Variants in CARD10 observed in about 807,000 individuals in gnomAD.
CARD10 encodes caspase recruitment domain family member 10.
A neutral mutation model predicts 114.6 loss-of-function variants in CARD10; 49 were observed. That is an observed-to-expected ratio of 0.43 (90% CI 0.34 to 0.54). The LOEUF (loss-of-function observed/expected upper bound fraction) is 0.54, where lower values mean the gene tolerates loss of function less well. Among genes scored for constraint, CARD10 ranks in the 20% least tolerant of loss-of-function variants. The pLI, the probability that CARD10 is intolerant of heterozygous loss-of-function variation, is 0.03. For missense variants in CARD10, 1,206 were observed against 1,397.2 expected, an observed-to-expected ratio of 0.86 and a Z score of 2.18; for synonymous variants, 602 against 593.2, an observed-to-expected ratio of 1.01 and a Z score of -0.21.
At chr22:37,493,974 A>C in intron 16 of CARD10, 112 bp downstream of exon 16, 2 of 804,974 alleles carry the variant, frequency 2.5e-6, no homozygotes. Flanking sequence ...TGGAACCCTC[A>C]CAACAGGCCC....
At position 37,497,048 on chromosome 22, in the gene CARD10, G is replaced by A. The variant is rs1923030623; in HGVS notation, c.1918C>T (p.Pro640Ser). 1.2e-6 allele frequency: 2 copies of A among 1,613,852 alleles called. No individual in the cohort carries two copies. The highest frequency in any genetic ancestry group is 1.7e-5 in the Admixed American group (1 of 59,958). Residue 640 changes from proline to serine, a missense_variant, in exon 12 of 20, where the codon CCT (proline) becomes TCT (serine). Pro to Ser is a moderately conservative substitution (Grantham distance 74). Coordinates refer to ENST00000251973, the MANE Select transcript of CARD10 (RefSeq NM_014550.4). ...GAVVRRVLSG[P>S]GSARMEPREQ... ...CTTGGTTCCATCCTGGCGGACCCAG[G>A]CCCAGACAGCACCCTGCGCACCACA...
chr22:37,493,652 C>T (rs1225298829), intron 16 of CARD10, among the ~76,000 whole-genome samples: 5 of 152,068 alleles, frequency 3.3e-5, no homozygotes, highest in East Asian at 1.9e-4. Flanking sequence ...CCTAACTACC[C>T]GCTCCTCTTG....
chr22:37,504,420 GC>G (rs1923332455), intron 8 of CARD10, 119 bp from the exon 9 acceptor site: 3 of 1,054,396 alleles, frequency 2.8e-6, no homozygotes, highest in Admixed American at 2.9e-5. Flanking sequence ...AGAAGAGCGG[GC>G]TCTGCAAGAT....
At chr22:37,512,431 C>A (rs1923684522) in intron 3 of CARD10, among the ~76,000 whole-genome samples, 1 of 145,840 alleles carries the variant, frequency 6.9e-6, no homozygotes, top group African/African-American at 2.6e-5. Flanking sequence ...TGCTAGTTCC[C>A]CAGCCTTGAG....
At position 37,505,398 on chromosome 22, in the gene CARD10, G is replaced by A. The variant is rs57666572; in HGVS notation, c.1384-629C>T. Among the ~76,000 whole-genome samples the A allele has an allele frequency of 5.9e-3, 903 of 152,208 alleles. 5 individuals carry two copies. Among genetic ancestry groups the A allele is most frequent in the African/African-American group, 0.021 (856 of 41,506 alleles). On this transcript the variant is annotated intron_variant, in intron 7 of 19. Transcript: ENST00000251973. The stretch of plus-strand genomic sequence containing the variant: ...AACTCAAAATAAGAAAACGCAGGCT[G>A]GGCGTTCGCACCTCTAATCCCAGCA...
chr22:37,491,019 G>C lies in CARD10; in HGVS notation c.*140C>G, dbSNP rs1262106673. 1.5e-6 allele frequency: 1 copy of C among 678,494 alleles called. No individual in the cohort carries two copies. Among genetic ancestry groups the C allele is most frequent in the Admixed American group, 2.6e-5 (1 of 38,090 alleles). The allele number at this position is 678,494 out of a possible 1,614,324, so 42.0% of individuals were successfully genotyped here. A position where few individuals can be genotyped will look rare whatever the true frequency, so the allele number is the denominator to read the frequency against. On this transcript the variant is annotated 3_prime_UTR_variant, in exon 20 of 20. Transcript: ENST00000251973. ...GCTCGGCAGGGCCAGAGACAGCCTT[G>C]GGGGTGAGAGGCCAGAGCCAAGGGC...
chr22:37,503,245 A>G lies in CARD10; in HGVS notation c.1635-32T>C, dbSNP rs1322875136. The G allele has an allele frequency of 4.4e-6, 7 of 1,604,072 alleles. No individual in the cohort carries two copies. In the South Asian group the frequency reaches 5.6e-5, roughly 13 times the overall value. On this transcript the variant is annotated intron_variant, in intron 9 of 19. Coordinates refer to ENST00000251973, the MANE Select transcript of CARD10 (RefSeq NM_014550.4). Reference sequence around the variant, plus strand: ...AGAGAGAGGGCAGGGAGGGGGCAGGAGGTGAGGCACAGTGGGCACTCTGCC... The same window carrying G: ...AGAGAGAGGGCAGGGAGGGGGCAGGGGGTGAGGCACAGTGGGCACTCTGCC...
intron 11 of CARD10, among the ~76,000 whole-genome samples, chr22:37,498,478 G>A (rs187478573): frequency 5.3e-5 from 8 of 152,310 alleles, no homozygotes; most frequent in African/African-American, 1.7e-4. Flanking sequence ...GAGAGGCAGC[G>A]GGGCGAAGCA....
chr22:37,492,402 T>A lies in CARD10; in HGVS notation c.2751+33A>T. ...AGCAGCACCCGCTCTGGGCCACCTC[T>A]GTGAGCACCCCAGGCCAGCCCCCAG... On this transcript the variant is annotated intron_variant, in intron 18 of 19. Coordinates refer to ENST00000251973, the MANE Select transcript of CARD10 (RefSeq NM_014550.4). The surrounding 1 kb of genome is among the most constrained non-coding windows in gnomAD (Gnocchi z 5.7). 1 of 1,465,830 alleles carries A rather than the reference T, an allele frequency of 6.8e-7. No homozygotes were observed. Among genetic ancestry groups the A allele is most frequent in the Non-Finnish European group, 9.2e-7 (1 of 1,089,000 alleles). 90.8% of individuals were successfully genotyped at this position (1,465,830 alleles called of 1,614,324 possible).
chr22:37,496,074 G>C lies in CARD10; in HGVS notation c.2060-71C>G. ...ATGGTGAGGTCCAGGATCGGCCTTG[G>C]TGGGGCCAAAGACATGGCCCTCTCG... On this transcript the variant is annotated intron_variant, in intron 13 of 19. Coordinates refer to ENST00000251973, the MANE Select transcript of CARD10 (RefSeq NM_014550.4). This position sits in a 1 kb window ranked among gnomAD's most constrained non-coding sequence, Gnocchi z 4.1. 6.3e-7 allele frequency: 1 copy of C among 1,578,678 alleles called. No homozygotes were observed. The highest frequency in any genetic ancestry group is 8.6e-7 in the Non-Finnish European group (1 of 1,159,732).
chr22:37,499,239 A>G (rs1177573989), intron 11 of CARD10, among the ~76,000 whole-genome samples: 1 of 152,144 alleles, frequency 6.6e-6, no homozygotes, highest in Non-Finnish European at 1.5e-5. Flanking sequence ...CCAGCTGCTC[A>G]GCCGCTTGAG....
At position 37,490,535 on chromosome 22, in the gene CARD10, C is replaced by G. The variant is rs1235330775; in HGVS notation, c.*624G>C. ...TGAGGCACGGTCCTGAGTGTGCCCG[C>G]CAGGAACGCACACGTGTTAGTGCCC... On this transcript the variant is annotated 3_prime_UTR_variant, in exon 20 of 20. Transcript: ENST00000251973. 1 of 152,284 alleles carries G rather than the reference C, an allele frequency of 6.6e-6. No homozygotes were observed. The highest frequency in any genetic ancestry group is 1.5e-5 in the Non-Finnish European group (1 of 68,096). 9.4% of individuals were successfully genotyped at this position (152,284 alleles called of 1,614,324 possible). A position where few individuals can be genotyped will look rare whatever the true frequency, so the allele number is the denominator to read the frequency against.
intron 6 of CARD10, among the ~76,000 whole-genome samples, 180 bp from the exon 7 acceptor site, chr22:37,506,563 G>C (rs1423871561): frequency 2.6e-5 from 4 of 152,252 alleles, no homozygotes; most frequent in Non-Finnish European, 5.9e-5. Context: ...AACTGGCTAA[G>C]TTAGATACTA....
At chr22:37,504,527 G>C in intron 8 of CARD10, 108 bp downstream of exon 8, 1 of 1,438,876 alleles carries the variant, frequency 6.9e-7, no homozygotes, top group Non-Finnish European at 9.2e-7. Context: ...GCCTCCCTGC[G>C]CCTCAGTGTC....
At chr22:37,504,136 A>G in intron 9 of CARD10, 50 bp downstream of exon 9, 1 of 1,339,010 alleles carries the variant, frequency 7.5e-7, no homozygotes, top group Non-Finnish European at 1.0e-6. Flanking sequence ...TGTTCGGGAA[A>G]CGGCAGCCCC....
At chr22:37,491,575 A>AGAAGGAG (rs1922784208) in intron 19 of CARD10, among the ~76,000 whole-genome samples, 180 bp downstream of exon 19, 2 of 9,924 alleles carry the variant, frequency 2.0e-4, no homozygotes, top group South Asian at 3.5e-3. Context: ...CGGGGGAGGG[A>AGAAGGAG]GGGGGGAGGG....
chr22:37,508,568 C>T lies in CARD10; in HGVS notation c.1024G>A (p.Val342Met), dbSNP rs200148764. ...TCGGCCCACTGCAGCTCCCCCTGCA[C>T]GGCATGCAGCTTCTGGCACAGCTCC... Reference protein sequence around the residue: ...RQELCQKLHAVQGELQWAEEL... With the variant: ...RQELCQKLHAMQGELQWAEEL... Residue 342 changes from valine (V) to methionine (M), a missense_variant, in exon 5 of 20, where the codon GTG becomes ATG. Transcript: ENST00000251973. 304 of 1,597,626 alleles carry T rather than the reference C, an allele frequency of 1.9e-4. No homozygotes were observed. The highest frequency in any genetic ancestry group is 1.3e-3 in the East Asian group (57 of 44,650).
rs1169996113 is a variant in CARD10 at position 37,519,243 on chromosome 22, C to T, written c.-43G>A. 4 of 1,466,126 alleles carry T rather than the reference C, an allele frequency of 2.7e-6. No individual in the cohort carries two copies. The highest frequency in any genetic ancestry group is 2.7e-5 in the South Asian group (2 of 73,798). 90.8% of individuals were successfully genotyped at this position (1,466,126 alleles called of 1,614,324 possible). ...CTGCGGGCAAGAGGCGCACGGGGGT[C>T]GACCAGGGCTCCCTAGGGCTAGATG... On this transcript the variant is annotated 5_prime_UTR_variant, in exon 1 of 20. Transcript: ENST00000251973. This position sits in a 1 kb window ranked among gnomAD's most constrained non-coding sequence, Gnocchi z 4.1.
intron 3 of CARD10, chr22:37,512,165 G>C (rs1361637595): frequency 1.3e-5 from 2 of 152,338 alleles, no homozygotes; most frequent in African/African-American, 4.8e-5. Context: ...GCCTGGTATG[G>C]GGGGTGGGCA....
Sources: allele counts gnomAD v4.1 joint callset (sites outside exome capture counted in the v4.1 genomes callset), GRCh38; gene constraint gnomAD v4.1.1; non-coding constraint Gnocchi (gnomAD v3.1); transcripts MANE v1.5; gene names NCBI Gene and HGNC (gene_info 2026-07-23, HGNC 2026-07-21).